The following SHROOM4 variants were observed in gnomAD, a reference collection of about 807,000 sequenced individuals.
SHROOM4 encodes the protein protein Shroom4.
SHROOM4 carries 17 observed loss-of-function variants against 80.3 expected under a neutral mutation model. The ratio of observed to expected loss-of-function variants is 0.21; its 90% CI spans 0.14 to 0.32. The LOEUF is 0.32. SHROOM4 is among the 10% of genes least tolerant of loss of function. The probability of loss-of-function intolerance (pLI) is 1.00; values close to 1 mark genes in which losing one functional copy is unlikely to be tolerated. For missense variants in SHROOM4, 993 were observed against 1,140.3 expected (o/e 0.87, Z 1.86); for synonymous variants, 400 against 437.5 (o/e 0.91, Z 1.07).
chrX:50,630,504 A>G (rs1931010361), intron 4 of SHROOM4, among the ~76,000 whole-genome samples: 1 of 111,281 alleles, frequency 9.0e-6, no homozygotes, highest in Non-Finnish European at 1.9e-5. Flanking sequence ...GAAGAAATTC[A>G]AAACCAGGCA....
intron 1 of SHROOM4, among the ~76,000 whole-genome samples, chrX:50,701,180 G>A (rs1326237830): frequency 8.9e-6 from 1 of 111,893 alleles, no homozygotes; most frequent in Non-Finnish European, 1.9e-5. Context: ...TTTCCCTGGG[G>A]ATTAGCTCCA....
At chrX:50,576,239 C>T in the SHROOM4 span, among the ~76,000 whole-genome samples, 1 of 111,734 alleles carries the variant, frequency 8.9e-6, no homozygotes, top group South Asian at 3.7e-4. Flanking sequence ...CCACTGGGCC[C>T]AACTGGAGTA....
In SHROOM4 at chrX:50,591,575, T is replaced by C. The variant is rs1557245400; in HGVS notation, c.*5120A>G. On this transcript the variant is annotated 3_prime_UTR_variant, in exon 9 of 9. Transcript: ENST00000376020. ...GATCTTCTCTAATCTCTTTCAACAA[T>C]GTTTTATAGTTTTCAGTGTAAAAGT... is the stretch of plus-strand genomic sequence containing the variant. 3 of 257,796 alleles carry C rather than the reference T, an allele frequency of 1.2e-5. No individual in the cohort carries two copies. Among genetic ancestry groups the C allele is most frequent in the Non-Finnish European group, 2.1e-5 (3 of 141,904 alleles). 21.2% of individuals were successfully genotyped at this position (257,796 alleles called of 1,213,427 possible). A position where few individuals can be genotyped will look rare whatever the true frequency, so the allele number is the denominator to read the frequency against.
chrX:50,711,151 T>A (rs1003368271), intron 1 of SHROOM4, among the ~76,000 whole-genome samples: 1 of 112,207 alleles, frequency 8.9e-6, no homozygotes, highest in Non-Finnish European at 1.9e-5. Context: ...ACTGCTGCAA[T>A]CAATGGGCAA....
chrX:50,600,802 T>A (rs1452164870), intron 7 of SHROOM4, among the ~76,000 whole-genome samples: 1 of 111,734 alleles, frequency 8.9e-6, no homozygotes, highest in Admixed American at 9.4e-5. Context: ...TGGGGAAAGT[T>A]CCAAAACCCA....
chrX:50,637,238 T>C lies in SHROOM4; in HGVS notation c.404+936A>G, dbSNP rs191038356. Among the ~76,000 whole-genome samples, 148 of 111,910 alleles carry C rather than the reference T, an allele frequency of 1.3e-3. 1 individual carries two copies. The highest frequency in any genetic ancestry group is 4.6e-3 in the African/African-American group (141 of 30,822). ...TTGCAGGCTGCTCTCAGAAAGGCCA[T>C]AGTCTAGAAAGCCAGAGTTGAACTG... is the stretch of plus-strand genomic sequence containing the variant. On this transcript the variant is annotated intron_variant, in intron 3 of 8. Coordinates refer to ENST00000376020, the MANE Select transcript of SHROOM4 (RefSeq NM_020717.5).
Position 50,630,447 on chromosome X carries a change from A to G in SHROOM4, c.2895+2731T>C, listed in dbSNP as rs532891675. Among the ~76,000 whole-genome samples, 9 of 111,058 alleles carry G rather than the reference A, an allele frequency of 8.1e-5. No homozygotes were observed. The South Asian group carries it at 2.3e-3, about 29-fold the overall frequency. Reference sequence around the variant, plus strand: ...AACTTATGAAGTAGGTGTTGTTACTACCCCCATGCTTTTAGATGGGAAAGC... The same window carrying G: ...AACTTATGAAGTAGGTGTTGTTACTGCCCCCATGCTTTTAGATGGGAAAGC... On this transcript the variant is annotated intron_variant, in intron 4 of 8. Transcript: ENST00000376020.
chrX:50,727,220 C>T (rs1192161242), intron 1 of SHROOM4, among the ~76,000 whole-genome samples: 3 of 112,825 alleles, frequency 2.7e-5, no homozygotes, highest in Non-Finnish European at 5.6e-5. Context: ...AATGCCCATA[C>T]CCCCATTGTA....
At position 50,814,055 on chromosome X, in the gene SHROOM4, C is replaced by T. The variant is rs1557273809; in HGVS notation, c.-37G>A. On this transcript the variant is annotated 5_prime_UTR_variant, in exon 1 of 9. Transcript: ENST00000376020. The stretch of plus-strand genomic sequence containing the variant: ...CTCAGGCGCCGCCGGGCTCCTTTTC[C>T]GAGGGGGCTACGTTGCCTCCGCCCC... 3 of 1,039,173 alleles carry T rather than the reference C, an allele frequency of 2.9e-6. No homozygotes were observed. The highest frequency in any genetic ancestry group is 4.0e-6 in the Non-Finnish European group (3 of 742,895). The allele number at this position is 1,039,173 out of a possible 1,213,427, so 85.6% of individuals were successfully genotyped here. A position where few individuals can be genotyped will look rare whatever the true frequency, so the allele number is the denominator to read the frequency against.
chrX:50,814,023 G>T lies in SHROOM4; in HGVS notation c.-5C>A. The T allele has an allele frequency of 2.5e-6, 3 of 1,188,854 alleles. No individual in the cohort carries two copies. The highest frequency in any genetic ancestry group is 3.4e-6 in the Non-Finnish European group (3 of 876,777). On this transcript the variant is annotated 5_prime_UTR_variant, in exon 1 of 9. Coordinates refer to ENST00000376020, the MANE Select transcript of SHROOM4 (RefSeq NM_020717.5). ...GGACCCAGGCCGGTTCTCCATCCTC[G>T]GCTGGGCTCAGGCGCCGCCGGGCTC... is the stretch of plus-strand genomic sequence containing the variant.
At chrX:50,789,669 A>G (rs1042900309) in intron 1 of SHROOM4, among the ~76,000 whole-genome samples, 3 of 112,450 alleles carry the variant, frequency 2.7e-5, no homozygotes, top group Non-Finnish European at 5.6e-5. Context: ...AACAATACAG[A>G]ATAGAAAAAT....
chrX:50,617,854 TA>T (rs1482233245), intron 5 of SHROOM4, among the ~76,000 whole-genome samples: 1 of 111,134 alleles, frequency 9.0e-6, no homozygotes, highest in Non-Finnish European at 1.9e-5. Context: ...CAGAGTCACT[TA>T]TATCAAGCAG....
At chrX:50,643,023 C>G (rs1160434387) in intron 2 of SHROOM4, among the ~76,000 whole-genome samples, 1 of 111,003 alleles carries the variant, frequency 9.0e-6, no homozygotes, top group African/African-American at 3.3e-5. Context: ...AGAGCTGAAA[C>G]CATTCCCTCC....
chrX:50,706,083 A>G (rs1414261940), intron 1 of SHROOM4, among the ~76,000 whole-genome samples: 1 of 106,398 alleles, frequency 9.4e-6, no homozygotes, highest in African/African-American at 3.4e-5. Context: ...GCCCATCCCT[A>G]TCTCAAGATC....
chrX:50,788,670 T>C lies in SHROOM4; in HGVS notation c.117+25232A>G, dbSNP rs1392244299. Among the ~76,000 whole-genome samples, 4 of 111,518 alleles carry C rather than the reference T, an allele frequency of 3.6e-5. No individual in the cohort carries two copies. In the East Asian group the frequency reaches 1.1e-3, roughly 31 times the overall value. On this transcript the variant is annotated intron_variant, in intron 1 of 8. Transcript: ENST00000376020. Reference sequence around the variant, plus strand: ...AAGCAAAATTGGCAATACTAAGTTCTTCTCTATTAATAACTACTTTAAATA... The same window carrying C: ...AAGCAAAATTGGCAATACTAAGTTCCTCTCTATTAATAACTACTTTAAATA...
At chrX:50,611,110 A>T (rs2147239681) in intron 5 of SHROOM4, among the ~76,000 whole-genome samples, 1 of 109,384 alleles carries the variant, frequency 9.1e-6, no homozygotes, top group Non-Finnish European at 1.9e-5. Flanking sequence ...ACAATACGGT[A>T]ACACTAGTAG....
intron 6 of SHROOM4, among the ~76,000 whole-genome samples, chrX:50,605,375 T>C (rs2147224994): frequency 8.9e-6 from 1 of 112,811 alleles, no homozygotes; most frequent in South Asian, 3.7e-4. Flanking sequence ...ATGCTGTTCC[T>C]TAAATCTCCA....
At position 50,814,049 on chromosome X, in the gene SHROOM4, CT is replaced by C; in HGVS notation, c.-32del. 9.2e-7 allele frequency: 1 copy of C among 1,081,628 alleles called. No homozygotes were observed. The highest frequency in any genetic ancestry group is 1.3e-6 in the Non-Finnish European group (1 of 780,767). 89.1% of individuals were successfully genotyped at this position (1,081,628 alleles called of 1,213,427 possible). A position where few individuals can be genotyped will look rare whatever the true frequency, so the allele number is the denominator to read the frequency against. On this transcript the variant is annotated 5_prime_UTR_variant, in exon 1 of 9. Coordinates refer to ENST00000376020, the MANE Select transcript of SHROOM4 (RefSeq NM_020717.5). ...GCTGGGCTCAGGCGCCGCCGGGCTC[CT>C]TTTCCGAGGGGGCTACGTTGCCTCC...
chrX:50,770,512 T>C (rs1289833285), intron 1 of SHROOM4, among the ~76,000 whole-genome samples: 1 of 111,930 alleles, frequency 8.9e-6, no homozygotes, highest in African/African-American at 3.2e-5. Context: ...GCAGAGAGAA[T>C]TCAGGAAACA....
Sources: gnomAD v4.1 joint callset for allele counts (sites outside exome capture counted in the v4.1 genomes callset) on GRCh38, gnomAD v4.1.1 for gene constraint, MANE v1.5 for transcripts, NCBI Gene and HGNC (gene_info 2026-07-23, HGNC 2026-07-21) for gene names.